Variants in SYNPR observed in about 807,000 individuals in gnomAD.
SYNPR encodes synaptoporin.
A neutral mutation model predicts 32.9 loss-of-function variants in SYNPR; 23 were observed. The ratio of observed to expected loss-of-function variants is 0.70; its 90% CI spans 0.50 to 0.99. SYNPR has a LOEUF of 0.99. Ranked by LOEUF, SYNPR falls within the 50% of genes least tolerant of loss-of-function variation. SYNPR has a pLI of 0.00. For synonymous variants in SYNPR, 146 were observed against 135.9 expected (o/e 1.07, Z -0.52); for missense variants, 318 against 349.3 (o/e 0.91, Z 0.71).
At chr3:63,350,333 G>T (rs1413868468) in intron 2 of SYNPR, among the ~76,000 whole-genome samples, 2 of 152,124 alleles carry the variant, frequency 1.3e-5, no homozygotes, top group East Asian at 1.9e-4. Context: ...CCAGGCAGCT[G>T]CCAGACACCA....
At chr3:63,379,826 A>T (rs1210956101) in intron 2 of SYNPR, among the ~76,000 whole-genome samples, 1 of 151,872 alleles carries the variant, frequency 6.6e-6, no homozygotes, top group East Asian at 1.9e-4. Flanking sequence ...TCCTAATGCT[A>T]TCCCTCCCTC....
intron 3 of SYNPR, among the ~76,000 whole-genome samples, chr3:63,516,821 T>C (rs975264454): frequency 1.3e-5 from 2 of 152,130 alleles, no homozygotes; most frequent in Admixed American, 1.3e-4. Flanking sequence ...CCTATCCAAG[T>C]GTTAGGAAGC....
At chr3:63,293,322 G>C (rs13077267) in intron 2 of SYNPR, among the ~76,000 whole-genome samples, 1 of 151,918 alleles carries the variant, frequency 6.6e-6, no homozygotes, top group Non-Finnish European at 1.5e-5. Context: ...GGGGTGGAGG[G>C]TTTTTTTGGA....
chr3:63,560,901 G>A (rs1423351488), intron 4 of SYNPR, among the ~76,000 whole-genome samples: 1 of 152,142 alleles, frequency 6.6e-6, no homozygotes, highest in African/African-American at 2.4e-5. Context: ...GGGACACAAA[G>A]CCTAACCATA....
intron 3 of SYNPR, among the ~76,000 whole-genome samples, chr3:63,493,649 C>T (rs572614477): frequency 3.3e-5 from 5 of 151,908 alleles, no homozygotes; most frequent in Admixed American, 3.3e-4. Context: ...AACCTCATCT[C>T]TACTGAAAAT....
intron 2 of SYNPR, among the ~76,000 whole-genome samples, chr3:63,406,751 T>C (rs2088365903): frequency 1.3e-5 from 2 of 152,146 alleles, no homozygotes; most frequent in African/African-American, 4.8e-5. Context: ...ACAGAAGAAG[T>C]CTCTTCTCTT....
chr3:63,601,600 T>C (rs1049389308), intron 4 of SYNPR, among the ~76,000 whole-genome samples: 2 of 152,218 alleles, frequency 1.3e-5, no homozygotes, highest in Admixed American at 6.5e-5. Flanking sequence ...CATGCAGTAC[T>C]TGGTTTTCTG....
At chr3:63,611,596 C>T (rs1345156111) in intron 5 of SYNPR, among the ~76,000 whole-genome samples, 1 of 152,192 alleles carries the variant, frequency 6.6e-6, no homozygotes, top group South Asian at 2.1e-4. Context: ...CAGTTCTCAT[C>T]CTCCATCTCT....
chr3:63,499,018 T>A (rs1575677091), intron 3 of SYNPR, among the ~76,000 whole-genome samples: 2 of 149,552 alleles, frequency 1.3e-5, no homozygotes, highest in South Asian at 2.1e-4. Context: ...GATTTACATA[T>A]TTTAATAATT....
intron 2 of SYNPR, among the ~76,000 whole-genome samples, chr3:63,461,682 G>A (rs1191171101): frequency 6.6e-6 from 1 of 151,852 alleles, no homozygotes; most frequent in Non-Finnish European, 1.5e-5. Flanking sequence ...AAGATAAGAA[G>A]GGTGTCTCTG....
chr3:63,457,886 T>C (rs905612003), intron 2 of SYNPR, among the ~76,000 whole-genome samples: 4 of 152,170 alleles, frequency 2.6e-5, no homozygotes, highest in African/African-American at 9.6e-5. Flanking sequence ...TGGATATTAC[T>C]GATAACTCAG....
chr3:63,246,766 T>A (rs542773053), intron 1 of SYNPR, among the ~76,000 whole-genome samples: 2 of 152,066 alleles, frequency 1.3e-5, no homozygotes, highest in East Asian at 3.9e-4. Flanking sequence ...CCTCAGGATG[T>A]CACAGTAGTT....
upstream of SYNPR, among the ~76,000 whole-genome samples, chr3:63,275,418 G>T (rs183544940): frequency 6.6e-6 from 1 of 152,186 alleles, no homozygotes; most frequent in East Asian, 1.9e-4. Context: ...TGCAATTGTT[G>T]TCTAAGCTAT....
At chr3:63,470,107 C>T (rs2060759) in intron 2 of SYNPR, among the ~76,000 whole-genome samples, 37,822 of 152,062 alleles carry the variant, frequency 0.25, 5,751 homozygotes, top group African/African-American at 0.43. Flanking sequence ...ACTCTAACTT[C>T]TACTCCTTAG....
At chr3:63,442,890 C>A (rs546449565) in intron 2 of SYNPR, among the ~76,000 whole-genome samples, 4 of 152,288 alleles carry the variant, frequency 2.6e-5, no homozygotes, top group Non-Finnish European at 1.5e-5. Context: ...ACAACATTTA[C>A]TTAATCTATG....
intron 3 of SYNPR, among the ~76,000 whole-genome samples, chr3:63,504,016 A>G (rs1474445815): frequency 6.6e-6 from 1 of 152,110 alleles, no homozygotes; most frequent in Non-Finnish European, 1.5e-5. Flanking sequence ...GTGGATTTTT[A>G]TTGAAAACCT....
chr3:63,356,342 T>C (rs1360052463), intron 2 of SYNPR, among the ~76,000 whole-genome samples: 2 of 152,226 alleles, frequency 1.3e-5, no homozygotes, highest in Non-Finnish European at 2.9e-5. Context: ...TTCTATGGTG[T>C]TCCTTGGGCC....
the SYNPR span, among the ~76,000 whole-genome samples, chr3:63,211,707 T>C: frequency 1.4e-5 from 1 of 72,100 alleles, no homozygotes; most frequent in Non-Finnish European, 2.9e-5. Context: ...CTTGAATCTT[T>C]CTTTTTTTTT....
upstream of SYNPR, among the ~76,000 whole-genome samples, chr3:63,275,677 A>G (rs1190465911): frequency 6.6e-6 from 1 of 152,274 alleles, no homozygotes; most frequent in Non-Finnish European, 1.5e-5. Context: ...GGCATGTTAC[A>G]TAGCCATTCT....
Sources: allele counts gnomAD v4.1 joint callset (sites outside exome capture counted in the v4.1 genomes callset), GRCh38; gene constraint gnomAD v4.1.1; transcripts MANE v1.5; gene names NCBI Gene and HGNC (gene_info 2026-07-23, HGNC 2026-07-21).